Variants in PEBP4 observed in about 807,000 individuals in gnomAD.
PEBP4 encodes the protein phosphatidylethanolamine-binding protein 4.
Under a neutral mutation model 23.9 loss-of-function variants are expected in PEBP4, and 22 were observed. The ratio of observed to expected loss-of-function variants is 0.92; its 90% CI spans 0.66 to 1.31. PEBP4 has a LOEUF of 1.31. Ranked by LOEUF, PEBP4 falls within the 40% of genes most tolerant of loss-of-function variation. The pLI, the probability that PEBP4 is intolerant of heterozygous loss-of-function variation, is 0.00. For missense variants in PEBP4, 324 were observed against 281.7 expected, an observed-to-expected ratio of 1.15 and a Z score of -1.07; for synonymous variants, 112 against 99.3, an observed-to-expected ratio of 1.13 and a Z score of -0.76.
chr8:22,917,626 G>T (rs1180329049), intron 3 of PEBP4, among the ~76,000 whole-genome samples: 1 of 145,118 alleles, frequency 6.9e-6, no homozygotes, highest in East Asian at 2.0e-4. Flanking sequence ...ACTTCCATAG[G>T]ACCTGCCTTG....
At chr8:22,841,420 G>A (rs1807327035) in intron 3 of PEBP4, among the ~76,000 whole-genome samples, 1 of 152,248 alleles carries the variant, frequency 6.6e-6, no homozygotes, top group South Asian at 2.1e-4. Context: ...AGAACCTTTG[G>A]TGCCAAATAT....
intron 6 of PEBP4, among the ~76,000 whole-genome samples, chr8:22,721,819 C>G (rs1452565166): frequency 6.6e-6 from 1 of 152,160 alleles, no homozygotes; most frequent in Admixed American, 6.5e-5. Flanking sequence ...GCTCTGGCCT[C>G]CCAAGCACTG....
intron 3 of PEBP4, among the ~76,000 whole-genome samples, chr8:22,893,668 G>A (rs1808538836): frequency 6.6e-6 from 1 of 152,042 alleles, no homozygotes. Context: ...GAGTACACTG[G>A]ATGAGATTTA....
intron 4 of PEBP4, among the ~76,000 whole-genome samples, chr8:22,785,120 T>C (rs184223222): frequency 1.2e-3 from 188 of 152,278 alleles, no homozygotes; most frequent in Non-Finnish European, 2.0e-3. Flanking sequence ...CCCGTGGCAG[T>C]GGGACGACAG....
At chr8:22,928,217 C>A (rs965272239), upstream of PEBP4, among the ~76,000 whole-genome samples, 2 of 152,206 alleles carry the variant, frequency 1.3e-5, no homozygotes, top group African/African-American at 4.8e-5. Context: ...ACTCTCCTGG[C>A]CCCCATTCTT....
intron 4 of PEBP4, among the ~76,000 whole-genome samples, chr8:22,768,540 C>A (rs563134941): frequency 2.0e-5 from 3 of 152,168 alleles, no homozygotes; most frequent in African/African-American, 4.8e-5. Flanking sequence ...GCCTCCGGTG[C>A]GGAGCTCATT....
rs1009592424 is a variant in PEBP4, at chr8:22,915,664, G to A, written c.258+4520C>T. 2.0e-5 allele frequency among the ~76,000 whole-genome samples: 3 copies of A among 152,306 alleles called. No homozygotes were observed. In the East Asian group the frequency reaches 5.8e-4, roughly 29 times the overall value. On this transcript the variant is annotated intron_variant, in intron 3 of 6. Coordinates refer to ENST00000256404, the MANE Select transcript of PEBP4 (RefSeq NM_144962.3). ...TAGTCCATGGCGGCTGCAGTCCCCT[G>A]AGCCAGTGGGCCTGCACTTGACCGC...
chr8:22,747,995 G>A (rs1472376397), intron 4 of PEBP4, among the ~76,000 whole-genome samples: 1 of 152,238 alleles, frequency 6.6e-6, no homozygotes, highest in African/African-American at 2.4e-5. Context: ...CGGAGGAAAG[G>A]CTGGCCCTTG....
intron 4 of PEBP4, among the ~76,000 whole-genome samples, chr8:22,728,920 C>A (rs1222257864): frequency 6.6e-6 from 1 of 152,120 alleles, no homozygotes; most frequent in Non-Finnish European, 1.5e-5. Context: ...CTTTAACTTC[C>A]TTCTACTCTC....
At chr8:22,905,307 TCTTTTTCTTGCTGATTTATAAGAGCC>T (rs1808788518) in intron 3 of PEBP4, among the ~76,000 whole-genome samples, 2 of 152,064 alleles carry the variant, frequency 1.3e-5, no homozygotes, top group Non-Finnish European at 2.9e-5. Flanking sequence ...AGGCTATTCA[TCTTTTTCTTGCTGATTTATAAGAGCC>T]CTTTATGCAT....
At chr8:22,823,525 A>G (rs1342614443) in intron 3 of PEBP4, among the ~76,000 whole-genome samples, 1 of 151,794 alleles carries the variant, frequency 6.6e-6, no homozygotes, top group African/African-American at 2.4e-5. Context: ...AATGTGCAGG[A>G]AAACTTTATA....
chr8:22,818,873 T>C (rs1034330782), intron 3 of PEBP4, among the ~76,000 whole-genome samples: 5 of 151,698 alleles, frequency 3.3e-5, no homozygotes, highest in African/African-American at 1.2e-4. Flanking sequence ...GGCACGGCAG[T>C]AAGGAGGGGG....
intron 3 of PEBP4, among the ~76,000 whole-genome samples, chr8:22,874,168 A>G (rs1808070524): frequency 1.3e-5 from 2 of 152,200 alleles, no homozygotes; most frequent in African/African-American, 4.8e-5. Context: ...CAAAAGCTTG[A>G]GGAACTTCAG....
rs1260830920 is a variant in PEBP4, at chr8:22,722,040, C to T, written c.517+2803G>A. Reference sequence around the variant, plus strand: ...TCAGTTCTGCCTGCCCCTCCAGGTTCGTCGTCTCCAAAGAGTGACTTTTGA... The same window carrying T: ...TCAGTTCTGCCTGCCCCTCCAGGTTTGTCGTCTCCAAAGAGTGACTTTTGA... On this transcript the variant is annotated intron_variant, in intron 6 of 6. Coordinates refer to ENST00000256404, the MANE Select transcript of PEBP4 (RefSeq NM_144962.3). Among the ~76,000 whole-genome samples, 19 of 152,260 alleles carry T rather than the reference C, an allele frequency of 1.2e-4. 1 individual carries two copies. Among genetic ancestry groups the T allele is most frequent in the African/African-American group, 3.4e-4 (14 of 41,552 alleles).
chr8:22,724,808 C>A, intron 6 of PEBP4, 35 bp downstream of exon 6: 1 of 1,529,762 alleles, frequency 6.5e-7, no homozygotes, highest in Non-Finnish European at 9.1e-7. Flanking sequence ...CCAGAATTCA[C>A]CCCGGTGGTG....
At chr8:22,793,080 G>A (rs750168209) in intron 4 of PEBP4, among the ~76,000 whole-genome samples, 16 of 152,040 alleles carry the variant, frequency 1.1e-4, no homozygotes, top group South Asian at 2.1e-4. Flanking sequence ...ACTCATAATC[G>A]TACTACCCAG....
rs368072625 is a variant in PEBP4, at chr8:22,798,820, C to T, written c.357+18817G>A. ...TGGCGTGATCTCAGCTCACTGCAAC[C>T]TCTGCCTCCCAGGTTCAAGTGATTC... On this transcript the variant is annotated intron_variant, in intron 4 of 6. Transcript: ENST00000256404. Among the ~76,000 whole-genome samples the T allele has an allele frequency of 2.7e-5, 4 of 148,190 alleles. No individual in the cohort carries two copies. In the East Asian group the frequency reaches 8.0e-4, roughly 30 times the overall value.
chr8:22,783,656 C>T (rs961927913), intron 4 of PEBP4, among the ~76,000 whole-genome samples: 1 of 152,204 alleles, frequency 6.6e-6, no homozygotes, highest in Non-Finnish European at 1.5e-5. Context: ...CTAACACATG[C>T]TGTGGTTTTT....
At chr8:22,727,065 A>C in intron 5 of PEBP4, 110 bp downstream of exon 5, 1 of 1,210,510 alleles carries the variant, frequency 8.3e-7, no homozygotes, top group Middle Eastern at 2.0e-4. Context: ...CATCCAAGAA[A>C]ACTCTCAGGC....
Sources: allele counts gnomAD v4.1 joint callset (sites outside exome capture counted in the v4.1 genomes callset), GRCh38; gene constraint gnomAD v4.1.1; transcripts MANE v1.5; gene names NCBI Gene and HGNC (gene_info 2026-07-23, HGNC 2026-07-21).